Variants in PEAK3 observed in about 807,000 individuals in gnomAD.
PEAK3 encodes the protein protein PEAK3.
PEAK3 carries 15 observed loss-of-function variants against 13.3 expected under a neutral mutation model. The observed-to-expected ratio is 1.13, with a 90% CI of 0.75 to 1.73. The LOEUF is 1.73. Ranked by LOEUF, PEAK3 falls within the 40% of genes most tolerant of loss-of-function variation. The pLI, the probability that PEAK3 is intolerant of heterozygous loss-of-function variation, is 0.00. For synonymous variants in PEAK3, 347 were observed against 341.9 expected, an observed-to-expected ratio of 1.01 and a Z score of -0.17; for missense variants, 739 against 690.2, an observed-to-expected ratio of 1.07 and a Z score of -0.79.
Position 2,278,717 on chromosome 19 carries a change from C to A in PEAK3, c.479G>T (p.Gly160Val), listed in dbSNP as rs932552330. 3.9e-6 allele frequency: 6 copies of A among 1,529,402 alleles called. No homozygotes were observed. The African/African-American group carries it at 6.9e-5, about 18-fold the overall frequency. 94.7% of individuals were successfully genotyped at this position (1,529,402 alleles called of 1,614,324 possible). Reference protein sequence around the residue: ...YARLRARLMGGHPGPCHPGHS... With the variant: ...YARLRARLMGVHPGPCHPGHS... ...GCCGGGGTGGCAGGGCCCGGGGTGG[C>A]CCCCCATGAGCCGGGCACGGAGCCG... Residue 160 changes from glycine to valine, a missense_variant, in exon 3 of 4, where the codon GGC becomes GTC. Transcript: ENST00000342063.
rs558096641 is a variant in PEAK3, at chr19:2,278,407, C to T, written c.612+177G>A. On this transcript the variant is annotated intron_variant, in intron 3 of 3. Transcript: ENST00000342063. ...AACTCCTGACCTCAGCTGATCCGCC[C>T]GCCTTGGCCTCCCAAAGTGCTGGGA... 2.6e-5 allele frequency among the ~76,000 whole-genome samples: 4 copies of T among 152,174 alleles called. No individual in the cohort carries two copies. The South Asian group carries it at 8.3e-4, about 32-fold the overall frequency.
rs1236816695 is a variant in PEAK3 at position 2,276,004 on chromosome 19, C to G, written c.1098G>C (p.Ser366=). Residue 366 remains serine, a synonymous_variant, in exon 4 of 4, where the codon TCG becomes TCC. Transcript: ENST00000342063. ...CCAGGCCCGCGGCCAAAGGCGTGGT[C>G]GAGGGCGCAGCAAGGCTGAGCAGCG... is the stretch of plus-strand genomic sequence containing the variant. ...LRALLSLAAP[S]TTPLAAGLEL... 5.6e-6 allele frequency: 8 copies of G among 1,416,150 alleles called. No homozygotes were observed. The highest frequency in any genetic ancestry group is 6.4e-6 in the Non-Finnish European group (7 of 1,090,790). 87.7% of individuals were successfully genotyped at this position (1,416,150 alleles called of 1,614,324 possible).
intron 2 of PEAK3, among the ~76,000 whole-genome samples, chr19:2,279,513 G>A (rs1352506074): frequency 6.6e-6 from 1 of 151,924 alleles, no homozygotes; most frequent in East Asian, 2.0e-4. Flanking sequence ...AAAATTAGCC[G>A]GGCTTGGTGG....
Position 2,279,066 on chromosome 19 carries a change from T to C in PEAK3, c.130A>G (p.Thr44Ala), listed in dbSNP as rs1599158971. 4.1e-6 allele frequency: 6 copies of C among 1,475,306 alleles called. No individual in the cohort carries two copies. The highest frequency in any genetic ancestry group is 2.7e-6 in the Non-Finnish European group (3 of 1,108,402). 91.4% of individuals were successfully genotyped at this position (1,475,306 alleles called of 1,614,324 possible). ...GGGTTGGTGGAGAGGGACCCAGGGG[T>C]CCGGAGGCGGCAGGCCTTGGAGGGC... ...LLPSKACRLR[T>A]PGSLSTNPEP... The change falls in exon 3 of 4, where the codon ACC (threonine) becomes GCC (alanine). Residue 44 changes from threonine to alanine, a missense_variant. Coordinates refer to ENST00000342063, the MANE Select transcript of PEAK3 (RefSeq NM_198532.3).
At position 2,276,324 on chromosome 19, in the gene PEAK3, G is replaced by C. The variant is rs1048932024; in HGVS notation, c.778C>G (p.Arg260Gly). The C allele has an allele frequency of 3.1e-6, 5 of 1,598,548 alleles. No individual in the cohort carries two copies. Among genetic ancestry groups the C allele is most frequent in the Non-Finnish European group, 4.2e-6 (5 of 1,178,754 alleles). Reference sequence around the variant, plus strand: ...TCCGCCAGCCACTGCGCCACCGTGCGCTCTGGAACCTCGGCTGCCAGCGCC... The same window carrying C: ...TCCGCCAGCCACTGCGCCACCGTGCCCTCTGGAACCTCGGCTGCCAGCGCC... ...AVALAAEVPERTVAQWLAEAC... is the reference protein window; with the variant it reads ...AVALAAEVPEGTVAQWLAEAC... Residue 260 changes from arginine (R) to glycine (G), a missense_variant, in exon 4 of 4, where the codon CGC becomes GGC. Physicochemically the swap from Arg to Gly is moderately radical, Grantham distance 125. Transcript: ENST00000342063.
rs763650994 is a variant in PEAK3, at chr19:2,278,589, C to T, written c.607G>A (p.Ala203Thr). 15 of 1,478,222 alleles carry T rather than the reference C, an allele frequency of 1.0e-5. No individual in the cohort carries two copies. The highest frequency in any genetic ancestry group is 2.8e-5 in the African/African-American group (2 of 70,758). 91.6% of individuals were successfully genotyped at this position (1,478,222 alleles called of 1,614,324 possible). A position where few individuals can be genotyped will look rare whatever the true frequency, so the allele number is the denominator to read the frequency against. ...GGTGGGGCTGTGGGGCTCACCTTGG[C>T]GACCAGGATGTGCCAGGCGTCCTCG... ...AHEDAWHILV[A>T]KVPKPGADVP... The change falls in exon 3 of 4, where the codon GCC becomes ACC. Residue 203 changes from alanine (A) to threonine (T), a missense_variant. Coordinates refer to ENST00000342063, the MANE Select transcript of PEAK3 (RefSeq NM_198532.3).
At chr19:2,281,680 G>A (rs571479403) in intron 1 of PEAK3, among the ~76,000 whole-genome samples, 35 of 146,162 alleles carry the variant, frequency 2.4e-4, no homozygotes, top group Non-Finnish European at 4.3e-4. Flanking sequence ...GTGTGATCCC[G>A]AGTGGGTTTC....
chr19:2,278,820 G>T lies in PEAK3; in HGVS notation c.376C>A (p.Arg126Ser), dbSNP rs1376933442. 1.3e-6 allele frequency: 2 copies of T among 1,595,742 alleles called. No individual in the cohort carries two copies. The highest frequency in any genetic ancestry group is 1.7e-6 in the Non-Finnish European group (2 of 1,171,592). ...ACAGCCTCCGGGCTGTGCAGATCGC[G>T]GAGGGAGAGGCCCAGTGGGGCGTCA... is the stretch of plus-strand genomic sequence containing the variant. ...PADAPLGLSL[R>S]DLHSPEAVHT... The change falls in exon 3 of 4, where the codon CGC (arginine) becomes AGC (serine). Residue 126 changes from arginine (R) to serine (S), a missense_variant. Transcript: ENST00000342063.
In PEAK3 at chr19:2,275,729, T is replaced by C. The variant is rs751741892; in HGVS notation, c.1373A>G (p.Glu458Gly). 8.3e-6 allele frequency: 13 copies of C among 1,558,876 alleles called. No homozygotes were observed. The highest frequency in any genetic ancestry group is 1.1e-5 in the Non-Finnish European group (13 of 1,154,448). The change falls in exon 4 of 4, where the codon GAG (glutamate) becomes GGG (glycine). Residue 458 changes from glutamate to glycine, a missense_variant. Coordinates refer to ENST00000342063, the MANE Select transcript of PEAK3 (RefSeq NM_198532.3). ...EDWLCCEYLA[E>G]ATESSMGQAL... ...CTGGCCCATCGAGGACTCGGTGGCC[T>C]CGGCCAGGTATTCGCAACACAGCCA...
At position 2,275,604 on chromosome 19, in the gene PEAK3, C is replaced by A; in HGVS notation, c.*76G>T. The A allele has an allele frequency of 7.9e-7, 1 of 1,263,892 alleles. No individual in the cohort carries two copies. Among genetic ancestry groups the A allele is most frequent in the Non-Finnish European group, 1.0e-6 (1 of 978,020 alleles). 78.3% of individuals were successfully genotyped at this position (1,263,892 alleles called of 1,614,324 possible). A position where few individuals can be genotyped will look rare whatever the true frequency, so the allele number is the denominator to read the frequency against. On this transcript the variant is annotated 3_prime_UTR_variant, in exon 4 of 4. Coordinates refer to ENST00000342063, the MANE Select transcript of PEAK3 (RefSeq NM_198532.3). ...TGCAGGAAGAGGGTGTCTTGGCTAT[C>A]ATGGAGACGCTGACCTCAGCCCCAG...
At chr19:2,280,969 G>T in intron 1 of PEAK3, 34 bp from the exon 2 acceptor site, 1 of 1,407,458 alleles carries the variant, frequency 7.1e-7, no homozygotes, top group Non-Finnish European at 9.7e-7. Flanking sequence ...TGTGTGGGGT[G>T]ACCGTGTGCA....
chr19:2,280,886 G>A lies in PEAK3; in HGVS notation c.46C>T (p.Pro16Ser), dbSNP rs55662626. 133,699 of 1,600,668 alleles carry A rather than the reference G, an allele frequency of 0.084. 9,371 individuals carry two copies. Among genetic ancestry groups the A allele is most frequent in the East Asian group, 0.32 (13,989 of 43,796 alleles). Residue 16 changes from proline (P) to serine (S), a missense_variant, in exon 2 of 4, where the codon CCC (proline) becomes TCC (serine). By Grantham distance (74) the Pro-to-Ser change is moderately conservative. Coordinates refer to ENST00000342063, the MANE Select transcript of PEAK3 (RefSeq NM_198532.3). ...PPTEPPEPDN[P>S]TWSTQPTYSN... is the part of the protein sequence containing the mutation. ...TACGTGGGCTGAGTCGACCAGGTGG[G>A]GTTGTCGGGCTCGGGGGGCTCTGTG...
At chr19:2,277,571 T>C (rs2025402104) in intron 3 of PEAK3, among the ~76,000 whole-genome samples, 1 of 152,130 alleles carries the variant, frequency 6.6e-6, no homozygotes. Flanking sequence ...TTTGTTTTTC[T>C]TTTTTGAGAC....
chr19:2,279,423 G>A (rs995117505), intron 2 of PEAK3, among the ~76,000 whole-genome samples: 9 of 152,130 alleles, frequency 5.9e-5, no homozygotes, highest in South Asian at 4.1e-4. Flanking sequence ...TTGGGAGGCC[G>A]AGATGGGTGG....
intron 2 of PEAK3, 135 bp downstream of exon 2, chr19:2,280,715 A>G: frequency 2.9e-6 from 2 of 685,714 alleles, no homozygotes; most frequent in Non-Finnish European, 4.9e-6. Flanking sequence ...CACTCATTTT[A>G]CCAGCTGCTG....
At chr19:2,281,748 G>T (rs1340100716) in intron 1 of PEAK3, among the ~76,000 whole-genome samples, 2 of 145,602 alleles carry the variant, frequency 1.4e-5, no homozygotes, top group Non-Finnish European at 3.1e-5. Flanking sequence ...CCTCTCTGGG[G>T]CCCTGCTGTG....
At position 2,279,071 on chromosome 19, in the gene PEAK3, A is replaced by G; in HGVS notation, c.125T>C (p.Leu42Pro). 6.8e-7 allele frequency: 1 copy of G among 1,472,284 alleles called. No homozygotes were observed. Among genetic ancestry groups the G allele is most frequent in the Non-Finnish European group, 9.0e-7 (1 of 1,106,838 alleles). 91.2% of individuals were successfully genotyped at this position (1,472,284 alleles called of 1,614,324 possible). Residue 42 changes from leucine (L) to proline (P), a missense_variant, in exon 3 of 4, where the codon CTC becomes CCC. Leu to Pro is a moderately conservative substitution (Grantham distance 98). Transcript: ENST00000342063. ...GGTGGAGAGGGACCCAGGGGTCCGGAGGCGGCAGGCCTTGGAGGGCAGCAG... is the reference window on the plus strand; with the variant it reads ...GGTGGAGAGGGACCCAGGGGTCCGGGGGCGGCAGGCCTTGGAGGGCAGCAG... ...AHLLPSKACR[L>P]RTPGSLSTNP...
chr19:2,275,905 G>A lies in PEAK3; in HGVS notation c.1197C>T (p.Leu399=). 2.9e-6 allele frequency: 4 copies of A among 1,387,024 alleles called. No individual in the cohort carries two copies. Among genetic ancestry groups the A allele is most frequent in the Non-Finnish European group, 3.7e-6 (4 of 1,078,526 alleles). 85.9% of individuals were successfully genotyped at this position (1,387,024 alleles called of 1,614,324 possible). ...SRTRGALQAL[L]WGPGPELRGR... ...CGCGCAGCTCAGGCCCGGGCCCCCA[G>A]AGCAGCGCCTGCAGCGCGCCCCGCG... is the stretch of plus-strand genomic sequence containing the variant. The change falls in exon 4 of 4, where the codon CTC becomes CTT. Residue 399 remains leucine, a synonymous_variant. Coordinates refer to ENST00000342063, the MANE Select transcript of PEAK3 (RefSeq NM_198532.3).
At position 2,275,753 on chromosome 19, in the gene PEAK3, C is replaced by A. The variant is rs1274713515; in HGVS notation, c.1349G>T (p.Trp450Leu). The change falls in exon 4 of 4, where the codon TGG becomes TTG. Residue 450 changes from tryptophan to leucine, a missense_variant. Coordinates refer to ENST00000342063, the MANE Select transcript of PEAK3 (RefSeq NM_198532.3). ...AGGEAPSLED[W>L]LCCEYLAEAT... ...CTCGGCCAGGTATTCGCAACACAGC[C>A]AGTCCTCGAGGCTGGGAGCTTCCCC... The A allele has an allele frequency of 6.3e-7, 1 of 1,582,448 alleles. No homozygotes were observed. Among genetic ancestry groups the A allele is most frequent in the Non-Finnish European group, 8.6e-7 (1 of 1,167,200 alleles).
Sources: gnomAD v4.1 joint callset for allele counts (sites outside exome capture counted in the v4.1 genomes callset) on GRCh38, gnomAD v4.1.1 for gene constraint, MANE v1.5 for transcripts, NCBI Gene and HGNC (gene_info 2026-07-23, HGNC 2026-07-21) for gene names.